ARHGAP20: variants seen among roughly 807,000 people sequenced by gnomAD.
The protein encoded by ARHGAP20 is rho GTPase-activating protein 20.
In ARHGAP20, 34 loss-of-function variants were observed where a neutral mutation model predicts 73.7. The observed-to-expected ratio is 0.46, with a 90% CI of 0.35 to 0.61. ARHGAP20 has a LOEUF of 0.61. ARHGAP20 is among the 20% of genes least tolerant of loss of function. The pLI is 0.00. For synonymous variants in ARHGAP20, 523 were observed against 518.2 expected (o/e 1.01, Z -0.13); for missense variants, 1,314 against 1,420.9 (o/e 0.92, Z 1.21).
intron 9 of ARHGAP20, among the ~76,000 whole-genome samples, chr11:110,604,985 G>C (rs1948190404): frequency 1.3e-5 from 2 of 152,140 alleles, no homozygotes; most frequent in Non-Finnish European, 2.9e-5. Flanking sequence ...TGCCCATTAA[G>C]GTTGGTCATT....
At chr11:110,707,358 T>C (rs1287509892) in intron 1 of ARHGAP20, among the ~76,000 whole-genome samples, 1 of 152,172 alleles carries the variant, frequency 6.6e-6, no homozygotes, top group African/African-American at 2.4e-5. Flanking sequence ...GGATGTATTA[T>C]TCCAGAATAA....
intron 2 of ARHGAP20, among the ~76,000 whole-genome samples, chr11:110,648,226 T>TATATGTAA (rs1949261402): frequency 2.5e-5 from 2 of 79,310 alleles, no homozygotes; most frequent in Non-Finnish European, 2.4e-5. Context: ...TATATGTATA[T>TATATGTAA]ATATATATAT....
intron 1 of ARHGAP20, among the ~76,000 whole-genome samples, chr11:110,706,640 A>G (rs1041633673): frequency 2.6e-5 from 4 of 152,176 alleles, no homozygotes; most frequent in Non-Finnish European, 4.4e-5. Context: ...GCACTTTTGC[A>G]AAGTGTTTCC....
At chr11:110,691,808 G>A (rs553077604) in intron 1 of ARHGAP20, among the ~76,000 whole-genome samples, 1 of 152,236 alleles carries the variant, frequency 6.6e-6, no homozygotes, top group East Asian at 1.9e-4. Flanking sequence ...ACATGTGGAA[G>A]CTATAGGCAC....
At chr11:110,583,205 C>T (rs1947520661) in intron 13 of ARHGAP20, among the ~76,000 whole-genome samples, 1 of 151,748 alleles carries the variant, frequency 6.6e-6, no homozygotes, top group Non-Finnish European at 1.5e-5. Flanking sequence ...TAATTTTGCC[C>T]AAGACTGTAC....
intron 9 of ARHGAP20, 59 bp from the exon 10 acceptor site, chr11:110,592,214 T>C (rs1430535889): frequency 6.1e-6 from 9 of 1,482,394 alleles, no homozygotes; most frequent in Non-Finnish European, 7.4e-6. Flanking sequence ...CTTATTTCTA[T>C]AACTTCCATT....
chr11:110,582,283 C>G, intron 14 of ARHGAP20, 38 bp downstream of exon 14: 1 of 1,483,186 alleles, frequency 6.7e-7, no homozygotes, highest in Non-Finnish European at 9.4e-7. Context: ...AACCATGTGT[C>G]TGTTTCTCAC....
intron 9 of ARHGAP20, among the ~76,000 whole-genome samples, chr11:110,601,769 A>T (rs1020782058): frequency 6.6e-6 from 1 of 152,156 alleles, no homozygotes; most frequent in Non-Finnish European, 1.5e-5. Flanking sequence ...GGATCGCCTG[A>T]GGTCAGGAGT....
In ARHGAP20 at chr11:110,580,362, C is replaced by T; in HGVS notation, c.2584G>A (p.Gly862Arg). The change falls in exon 15 of 15, where the codon GGA becomes AGA. Residue 862 changes from glycine (G) to arginine (R), a missense_variant. Physicochemically the swap from Gly to Arg is moderately radical, Grantham distance 125. This residue lies in a region of ARHGAP20 where 641 missense variants were observed against 636.9 expected (regional missense o/e 1.01). Coordinates refer to ENST00000683387, the MANE Select transcript of ARHGAP20 (RefSeq NM_001384657.1). ...DQNRKLTYLR[G>R]IYSKKQHKTS... ...TTATGTTGTTTCTTTGAATAAATTC[C>T]CCTGAGATAGGTCAGCTTGCGGTTC... 6.2e-7 allele frequency: 1 copy of T among 1,614,196 alleles called. No individual in the cohort carries two copies. The highest frequency in any genetic ancestry group is 1.1e-5 in the South Asian group (1 of 91,080).
At position 110,577,708 on chromosome 11, in the gene ARHGAP20, C is replaced by T. The variant is rs768970390; in HGVS notation, c.*1662G>A. On this transcript the variant is annotated 3_prime_UTR_variant, in exon 15 of 15. Coordinates refer to ENST00000683387, the MANE Select transcript of ARHGAP20 (RefSeq NM_001384657.1). ...TCTGTGACTCAGATGGCCAGTGTCACGAAGTAGCTCTTTGGATACAGAGTT... is the reference window on the plus strand; with the variant it reads ...TCTGTGACTCAGATGGCCAGTGTCATGAAGTAGCTCTTTGGATACAGAGTT... 1.4e-5 allele frequency: 14 copies of T among 985,724 alleles called. No individual in the cohort carries two copies. The highest frequency in any genetic ancestry group is 5.2e-5 in the African/African-American group (3 of 57,204). The allele number at this position is 985,724 out of a possible 1,614,324, so 61.1% of individuals were successfully genotyped here. A position where few individuals can be genotyped will look rare whatever the true frequency, so the allele number is the denominator to read the frequency against.
At chr11:110,649,958 TA>T (rs1019492474) in intron 2 of ARHGAP20, among the ~76,000 whole-genome samples, 4 of 152,134 alleles carry the variant, frequency 2.6e-5, no homozygotes, top group African/African-American at 9.7e-5. Flanking sequence ...AGCTTATGTT[TA>T]AATTACCTAC....
intron 9 of ARHGAP20, among the ~76,000 whole-genome samples, chr11:110,596,355 G>A (rs1379006249): frequency 1.3e-5 from 2 of 149,884 alleles, no homozygotes; most frequent in Non-Finnish European, 2.9e-5. Context: ...GAGTGAACAG[G>A]CAACCTACAA....
rs749821280 is a variant in ARHGAP20 at position 110,579,852 on chromosome 11, G to GAGTT, written c.3090_3093dup (p.Leu1032AsnfsTer69). ...TTTCTCAACCATGTGCTGGGATGAA[G>GAGTT]AGTTACAGAATGCATTTGTGAATGC... On this transcript the variant is annotated frameshift_variant, in exon 15 of 15. Coordinates refer to ENST00000683387, the MANE Select transcript of ARHGAP20 (RefSeq NM_001384657.1). LOFTEE classifies it low-confidence loss of function (END_TRUNC). The GAGTT allele has an allele frequency of 6.2e-7, 1 of 1,614,232 alleles. No homozygotes were observed. The highest frequency in any genetic ancestry group is 1.7e-5 in the Admixed American group (1 of 60,026).
At position 110,592,158 on chromosome 11, in the gene ARHGAP20, A is replaced by C. The variant is rs1041568764; in HGVS notation, c.965-3T>G. On this transcript the variant is annotated splice_region_variant and splice_polypyrimidine_tract_variant and intron_variant, in intron 9 of 14. Transcript: ENST00000683387. ...TTTAAATGTCTTATGACCTGAATCT[A>C]AGGAAGAAGTGAGCTTATTAGAAAA... is the stretch of plus-strand genomic sequence containing the variant. The C allele has an allele frequency of 6.2e-7, 1 of 1,609,202 alleles. No individual in the cohort carries two copies. The highest frequency in any genetic ancestry group is 8.5e-7 in the Non-Finnish European group (1 of 1,176,890).
At chr11:110,620,358 C>T (rs941721807) in intron 4 of ARHGAP20, among the ~76,000 whole-genome samples, 3 of 152,116 alleles carry the variant, frequency 2.0e-5, no homozygotes, top group African/African-American at 7.2e-5. Context: ...GCTATATTGA[C>T]CAGTTTGGCC....
chr11:110,646,122 A>T (rs541203167), intron 2 of ARHGAP20, among the ~76,000 whole-genome samples: 26 of 152,172 alleles, frequency 1.7e-4, no homozygotes, highest in Non-Finnish European at 2.6e-4. Flanking sequence ...TTTAAAATAA[A>T]AGTTGAAAAA....
At chr11:110,694,189 T>C (rs1950294273) in intron 1 of ARHGAP20, among the ~76,000 whole-genome samples, 1 of 151,834 alleles carries the variant, frequency 6.6e-6, no homozygotes, top group Non-Finnish European at 1.5e-5. Context: ...CCTATCTATC[T>C]CTCTGTCCCC....
intron 1 of ARHGAP20, among the ~76,000 whole-genome samples, chr11:110,701,448 ATTTG>A (rs1950450638): frequency 6.6e-6 from 1 of 151,602 alleles, no homozygotes; most frequent in Non-Finnish European, 1.5e-5. Context: ...TTTCTTGTAA[ATTTG>A]TTTGAGTTCA....
At chr11:110,711,625 C>G (rs575866775) in intron 1 of ARHGAP20, 3 of 1,486,744 alleles carry the variant, frequency 2.0e-6, no homozygotes, top group East Asian at 2.8e-5. Context: ...GTGAGGGGGC[C>G]GAGCCCACCA....
Sources: gnomAD v4.1 joint callset for allele counts (sites outside exome capture counted in the v4.1 genomes callset) on GRCh38, gnomAD v4.1.1 for gene constraint, gnomAD v4.1.1 regional missense constraint, MANE v1.5 for transcripts, NCBI Gene and HGNC (gene_info 2026-07-23, HGNC 2026-07-21) for gene names.